SPAG5: variants seen among roughly 807,000 people sequenced by gnomAD.
The protein encoded by SPAG5 is sperm-associated antigen 5.
In SPAG5, 99 loss-of-function variants were observed where a neutral mutation model predicts 145.4. The observed-to-expected ratio is 0.68, with a 90% confidence interval of 0.58 to 0.80. The LOEUF is 0.80. Ranked by LOEUF, SPAG5 falls within the 30% of genes least tolerant of loss-of-function variation. The probability of loss-of-function intolerance (pLI) is 0.00; values close to 1 mark genes in which losing one functional copy is unlikely to be tolerated. For synonymous variants in SPAG5, 477 were observed against 525.4 expected (o/e 0.91, Z 1.26); for missense variants, 1,192 against 1,416.0 (o/e 0.84, Z 2.54).
intron 4 of SPAG5, among the ~76,000 whole-genome samples, chr17:28,590,868 C>CAAAAAAAA (rs60727111): frequency 2.9e-4 from 11 of 37,424 alleles, no homozygotes; most frequent in Admixed American, 3.3e-4. Flanking sequence ...GACTCCGTCT[C>CAAAAAAAA]AAAAAAAAAA....
rs769715557 is a variant in SPAG5 at position 28,585,456 on chromosome 17, T to C, written c.1861-45A>G. The C allele has an allele frequency of 3.1e-6, 5 of 1,613,762 alleles. No individual in the cohort carries two copies. In the Middle Eastern group the frequency reaches 5.0e-4, roughly 160 times the overall value. On this transcript the variant is annotated intron_variant, in intron 8 of 23. Coordinates refer to ENST00000321765, the MANE Select transcript of SPAG5 (RefSeq NM_006461.4). ...TAGGCGGGAACCCCTTCCCTTTGGA[T>C]ACAGCAAAGTGGGAGTATGCAACTA...
Position 28,593,000 on chromosome 17 carries a change from G to A in SPAG5, c.244C>T (p.His82Tyr). 1 of 1,614,184 alleles carries A rather than the reference G, an allele frequency of 6.2e-7. No homozygotes were observed. The highest frequency in any genetic ancestry group is 1.1e-5 in the South Asian group (1 of 91,080). The part of the protein sequence containing the change: ...NNKRTDLSSE[H>Y]FSHSSKWLET... ...AGCCACTTTGAGGAATGACTGAAAT[G>A]TTCTGAAGATAAGTCTGTCCTCTTG... Residue 82 changes from histidine to tyrosine, a missense_variant, in exon 3 of 24, where the codon CAT (histidine) becomes TAT (tyrosine). His to Tyr is a moderately conservative substitution (Grantham distance 83). Around this residue, in one of 5 missense-constraint regions of SPAG5, gnomAD observed 329 missense variants for 354.0 expected, o/e 0.93. Coordinates refer to ENST00000321765, the MANE Select transcript of SPAG5 (RefSeq NM_006461.4).
intron 2 of SPAG5, among the ~76,000 whole-genome samples, chr17:28,593,900 G>A (rs941551873): frequency 6.6e-6 from 1 of 151,864 alleles, no homozygotes; most frequent in African/African-American, 2.4e-5. Flanking sequence ...AATAAAAAAT[G>A]TCAGTAAAAT....
chr17:28,586,581 G>A, intron 4 of SPAG5, 82 bp from the exon 5 acceptor site: 1 of 1,126,298 alleles, frequency 8.9e-7, no homozygotes, highest in Admixed American at 1.7e-5. Flanking sequence ...ATCCAGACTG[G>A]AGTGCAGTGG....
At chr17:28,577,920 G>T in intron 23 of SPAG5, 90 bp downstream of exon 23, 1 of 1,281,858 alleles carries the variant, frequency 7.8e-7, no homozygotes, top group Non-Finnish European at 1.1e-6. Flanking sequence ...CTCAGCACAG[G>T]CTGGGAACCA....
chr17:28,598,974 T>A lies in SPAG5; in HGVS notation c.-28A>T, dbSNP rs1282564204. 2.5e-6 allele frequency: 4 copies of A among 1,611,764 alleles called. No homozygotes were observed. The highest frequency in any genetic ancestry group is 3.4e-6 in the Non-Finnish European group (4 of 1,178,084). ...TCAACCAGAAGGCAGGCCTATCACG[T>A]CTCAGACCAAGTCGAGGACGCCATG... On this transcript the variant is annotated 5_prime_UTR_variant, in exon 1 of 24. Coordinates refer to ENST00000321765, the MANE Select transcript of SPAG5 (RefSeq NM_006461.4).
intron 4 of SPAG5, 66 bp downstream of exon 4, chr17:28,591,632 G>A: frequency 1.4e-6 from 2 of 1,450,580 alleles, no homozygotes; most frequent in Admixed American, 2.1e-5. Flanking sequence ...CCCTCTGGCA[G>A]CTTCTCAGCT....
intron 16 of SPAG5, 31 bp downstream of exon 16, chr17:28,579,978 T>C (rs1443391768): frequency 1.9e-6 from 3 of 1,583,344 alleles, no homozygotes; most frequent in African/African-American, 1.3e-5. Context: ...GCGTCACAAC[T>C]TTCCCACCCC....
intron 2 of SPAG5, 63 bp from the exon 3 acceptor site, chr17:28,593,129 A>G: frequency 6.4e-7 from 1 of 1,570,760 alleles, no homozygotes. Flanking sequence ...ATACAATTAC[A>G]GGTGCAAGAT....
intron 13 of SPAG5, 24 bp from the exon 14 acceptor site, chr17:28,584,010 A>G: frequency 1.2e-6 from 2 of 1,613,846 alleles, no homozygotes; most frequent in Non-Finnish European, 1.7e-6. Flanking sequence ...AGAAGGAGCA[A>G]GACAGGGAGG....
chr17:28,592,835 G>A lies in SPAG5; in HGVS notation c.409C>T (p.Leu137=), dbSNP rs1159791541. Residue 137 remains leucine (L), a synonymous_variant, in exon 3 of 24, where the codon CTG becomes TTG. Coordinates refer to ENST00000321765, the MANE Select transcript of SPAG5 (RefSeq NM_006461.4). ...AATATCATGTCTTGTTGCTGCCCCAGTGGAGATGGTACAAGGACGATGGTT... is the reference window on the plus strand; with the variant it reads ...AATATCATGTCTTGTTGCTGCCCCAATGGAGATGGTACAAGGACGATGGTT... ...VKTIVLVPSP[L]GQQQDMIFEA... is the part of the protein sequence containing the mutation. The A allele has an allele frequency of 2.5e-6, 4 of 1,614,188 alleles. No homozygotes were observed. The highest frequency in any genetic ancestry group is 1.1e-5 in the South Asian group (1 of 91,084).
At position 28,591,763 on chromosome 17, in the gene SPAG5, G is replaced by A; in HGVS notation, c.1372C>T (p.Gln458Ter). 1.2e-6 allele frequency: 2 copies of A among 1,614,158 alleles called. No individual in the cohort carries two copies. Among genetic ancestry groups the A allele is most frequent in the Non-Finnish European group, 1.7e-6 (2 of 1,180,032 alleles). Residue 458 changes from glutamine (Q) to a stop codon, truncating the protein, a stop_gained, in exon 4 of 24, where the codon CAG (glutamine) becomes TAG (stop). Transcript: ENST00000321765. LOFTEE classifies it high-confidence loss of function. ...LSRQLRDWKS[Q>*]LAVPHPETQD... ...GTTTCTGGGTGAGGGACAGCCAGCT[G>A]GCTCTTCCAGTCCCGAAGCTGGCGG... is the stretch of plus-strand genomic sequence containing the variant.
At position 28,577,626 on chromosome 17, in the gene SPAG5, AG is replaced by A. The variant is rs768062690; in HGVS notation, c.*72del. ...CATTTATCTCAGTTGGCTCTATGCC[AG>A]TTGGTCTTGGTATTGGGGTAAGGGG... On this transcript the variant is annotated 3_prime_UTR_variant, in exon 24 of 24. Transcript: ENST00000321765. The A allele has an allele frequency of 1.8e-4, 180 of 974,558 alleles. 1 individual carries two copies. The highest frequency in any genetic ancestry group is 2.8e-4 in the Non-Finnish European group (170 of 597,732). The allele number at this position is 974,558 out of a possible 1,614,324, so 60.4% of individuals were successfully genotyped here. A position where few individuals can be genotyped will look rare whatever the true frequency, so the allele number is the denominator to read the frequency against.
At chr17:28,579,650 A>G in intron 17 of SPAG5, 101 bp downstream of exon 17, 1 of 1,399,990 alleles carries the variant, frequency 7.1e-7, no homozygotes, top group Non-Finnish European at 1.0e-6. Flanking sequence ...CCCAAGTAGA[A>G]TTGAGGTTTT....
intron 2 of SPAG5, among the ~76,000 whole-genome samples, chr17:28,597,433 C>T (rs1336121523): frequency 6.6e-6 from 1 of 152,120 alleles, no homozygotes; most frequent in African/African-American, 2.4e-5. Context: ...CAAAAAAATT[C>T]AATTCTTCAG....
chr17:28,584,544 CT>C, intron 11 of SPAG5, 64 bp from the exon 12 acceptor site: 1 of 1,611,176 alleles, frequency 6.2e-7, no homozygotes, highest in Non-Finnish European at 8.5e-7. Flanking sequence ...CAAACTTCTG[CT>C]CCAAAGCAAG....
intron 2 of SPAG5, among the ~76,000 whole-genome samples, chr17:28,597,710 A>C (rs2070676558): frequency 6.6e-6 from 1 of 152,170 alleles, no homozygotes; most frequent in Admixed American, 6.5e-5. Context: ...ATGAAAATGA[A>C]TAGATACGAT....
chr17:28,585,565 C>G lies in SPAG5; in HGVS notation c.1829G>C (p.Arg610Thr). Reference protein sequence around the residue: ...EQDLASMREFRGLLKDAQTQL... With the variant: ...EQDLASMREFTGLLKDAQTQL... ...GGTCTGGGCATCCTTCAGAAGGCCT[C>G]TGAATTCCCGCATGGATGCTAGGTC... Residue 610 changes from arginine to threonine, a missense_variant, in exon 8 of 24, where the codon AGA becomes ACA. Physicochemically the swap from Arg to Thr is moderately conservative, Grantham distance 71. Transcript: ENST00000321765. 1 of 1,614,090 alleles carries G rather than the reference C, an allele frequency of 6.2e-7. No individual in the cohort carries two copies. The highest frequency in any genetic ancestry group is 2.2e-5 in the East Asian group (1 of 44,872).
rs190876510 is a variant in SPAG5 at position 28,598,517 on chromosome 17, C to A, written c.170G>T (p.Gly57Val). 1.9e-6 allele frequency: 3 copies of A among 1,613,574 alleles called. No individual in the cohort carries two copies. Among genetic ancestry groups the A allele is most frequent in the Non-Finnish European group, 2.5e-6 (3 of 1,179,920 alleles). ...SSLTPSLCKL[G>V]LQEGSNNSSP... ...TGTCCAGGCGAATCTCACCTGCAGC[C>A]CCAGCTTGCACAGTGATGGGGTCAG... is the stretch of plus-strand genomic sequence containing the variant. The change falls in exon 2 of 24, where the codon GGG becomes GTG. Residue 57 changes from glycine to valine, a missense_variant. By Grantham distance (109) the Gly-to-Val change is moderately radical. Transcript: ENST00000321765.
Sources: gnomAD v4.1 joint callset for allele counts (sites outside exome capture counted in the v4.1 genomes callset) on GRCh38, gnomAD v4.1.1 for gene constraint, gnomAD v4.1.1 regional missense constraint, MANE v1.5 for transcripts, NCBI Gene and HGNC (gene_info 2026-07-23, HGNC 2026-07-21) for gene names.